FAM234B: variants seen among roughly 807,000 people sequenced by gnomAD.
FAM234B encodes family with sequence similarity 234 member B.
In FAM234B, 33 loss-of-function variants were observed where a neutral mutation model predicts 69.3. The ratio of observed to expected loss-of-function variants is 0.48; its 90% CI spans 0.36 to 0.64. The LOEUF (loss-of-function observed/expected upper bound fraction) is 0.64, where lower values mean the gene tolerates loss of function less well. FAM234B is among the 30% of genes least tolerant of loss of function. FAM234B has a pLI of 0.00. For missense variants in FAM234B, 697 were observed against 769.7 expected, an observed-to-expected ratio of 0.91 and a Z score of 1.12; for synonymous variants, 306 against 306.9, an observed-to-expected ratio of 1.00 and a Z score of 0.03.
Position 13,055,955 on chromosome 12 carries a change from C to A in FAM234B, c.433+9C>A. ...CTTGGGCTCCCAGGGAGGTGAGCTG[C>A]AGAATCTTCAGCCCTAATCCTGTGA... On this transcript the variant is annotated intron_variant, in intron 2 of 12. Coordinates refer to ENST00000197268, the MANE Select transcript of FAM234B (RefSeq NM_020853.2). 1 of 1,541,348 alleles carries A rather than the reference C, an allele frequency of 6.5e-7. No homozygotes were observed.
At chr12:13,050,124 A>C (rs886448328) in intron 1 of FAM234B, among the ~76,000 whole-genome samples, 2 of 152,154 alleles carry the variant, frequency 1.3e-5, no homozygotes, top group African/African-American at 4.8e-5. Flanking sequence ...TTGTTTTGCC[A>C]GTTATCAATT....
At chr12:13,075,676 G>A (rs1325295109) in intron 10 of FAM234B, among the ~76,000 whole-genome samples, 3 of 145,970 alleles carry the variant, frequency 2.1e-5, no homozygotes, top group Non-Finnish European at 3.0e-5. Flanking sequence ...GGCTGGTCTC[G>A]AACTCCTGAC....
intron 1 of FAM234B, among the ~76,000 whole-genome samples, chr12:13,054,257 T>TC (rs113548571): frequency 0.24 from 36,201 of 151,962 alleles, 5,236 homozygotes; most frequent in East Asian, 0.52. Flanking sequence ...CATGAAATCT[T>TC]ACAATTTGTG....
At chr12:13,045,852 G>T (rs1864805028) in intron 1 of FAM234B, among the ~76,000 whole-genome samples, 1 of 150,526 alleles carries the variant, frequency 6.6e-6, no homozygotes, top group Admixed American at 6.6e-5. Flanking sequence ...TTCTTTTAGA[G>T]TCCTTTTTTA....
At chr12:13,063,040 T>C in intron 5 of FAM234B, 65 bp downstream of exon 5, 2 of 1,536,806 alleles carry the variant, frequency 1.3e-6, no homozygotes, top group Non-Finnish European at 9.0e-7. Context: ...TTGTCTCAGC[T>C]CCTAGTGTTA....
At chr12:13,068,805 C>T (rs1047235256) in intron 9 of FAM234B, 94 bp downstream of exon 9, 2 of 766,842 alleles carry the variant, frequency 2.6e-6, no homozygotes, top group Non-Finnish European at 4.3e-6. Context: ...TAAAAAGAAC[C>T]TAAAATATGA....
At chr12:13,071,546 C>G (rs1293362672) in intron 10 of FAM234B, 150 bp downstream of exon 10, 11 of 713,790 alleles carry the variant, frequency 1.5e-5, no homozygotes, top group Middle Eastern at 4.1e-4. Context: ...AAAGCAGGAA[C>G]CCTGTGTCCT....
chr12:13,061,014 A>T (rs1864977269), intron 3 of FAM234B, among the ~76,000 whole-genome samples: 1 of 152,098 alleles, frequency 6.6e-6, no homozygotes, highest in Non-Finnish European at 1.5e-5. Flanking sequence ...CTTCAAGTTT[A>T]TTTTTTCAAA....
In FAM234B at chr12:13,044,580, G is replaced by T; in HGVS notation, c.37+140G>T. The T allele has an allele frequency of 1.1e-6, 1 of 883,252 alleles. No individual in the cohort carries two copies. Among genetic ancestry groups the T allele is most frequent in the Non-Finnish European group, 1.7e-6 (1 of 572,082 alleles). The allele number at this position is 883,252 out of a possible 1,614,324, so 54.7% of individuals were successfully genotyped here. A position where few individuals can be genotyped will look rare whatever the true frequency, so the allele number is the denominator to read the frequency against. The stretch of plus-strand genomic sequence containing the variant: ...GGCGCCCGGTGCCGAGGAGGGTGCA[G>T]TCCCTTGGGGCTGGGGTCTCTGTGC... On this transcript the variant is annotated intron_variant, in intron 1 of 12. Transcript: ENST00000197268. This position sits in a 1 kb window ranked among gnomAD's most constrained non-coding sequence, Gnocchi z 5.6.
At chr12:13,047,728 T>G (rs1591594409) in intron 1 of FAM234B, among the ~76,000 whole-genome samples, 1 of 152,146 alleles carries the variant, frequency 6.6e-6, no homozygotes, top group Admixed American at 6.5e-5. Context: ...TCATTAAAAA[T>G]TTGGGTGGTG....
At chr12:13,076,924 A>T (rs539031846) in intron 11 of FAM234B, among the ~76,000 whole-genome samples, 1 of 152,228 alleles carries the variant, frequency 6.6e-6, no homozygotes, top group Admixed American at 6.5e-5. Flanking sequence ...AGAGGACCAG[A>T]TGACCACATC....
Position 13,079,893 on chromosome 12 carries a change from C to T in FAM234B, c.1747C>T (p.Arg583Trp), listed in dbSNP as rs767499682. 1.7e-5 allele frequency: 28 copies of T among 1,613,968 alleles called. No individual in the cohort carries two copies. In the East Asian group the frequency reaches 2.5e-4, roughly 14 times the overall value. The change falls in exon 12 of 13, where the codon CGG becomes TGG. Residue 583 changes from arginine to tryptophan, a missense_variant. Physicochemically the swap from Arg to Trp is moderately radical, Grantham distance 101. Coordinates refer to ENST00000197268, the MANE Select transcript of FAM234B (RefSeq NM_020853.2). ...AALVVSKLSL[R>W]WALMEGQMAQ... The stretch of plus-strand genomic sequence containing the variant: ...CCTGGTGGTCAGCAAGCTTAGTCTA[C>T]GGTGGGCACTAATGGAGGGCCAGAT...
intron 2 of FAM234B, among the ~76,000 whole-genome samples, chr12:13,057,983 T>G (rs59857999): frequency 6.6e-6 from 1 of 152,098 alleles, no homozygotes; most frequent in Non-Finnish European, 1.5e-5. Flanking sequence ...GGAGCTGGGC[T>G]GATAATTTTA....
Position 13,058,478 on chromosome 12 carries a change from C to T in FAM234B, c.461C>T (p.Ala154Val), listed in dbSNP as rs1864954179. The change falls in exon 3 of 13, where the codon GCT becomes GTT. Residue 154 changes from alanine (A) to valine (V), a missense_variant. Ala to Val is a moderately conservative substitution (Grantham distance 64). Transcript: ENST00000197268. The stretch of plus-strand genomic sequence containing the variant: ...GGGGACCTGTCTCCATTGGAATTGG[C>T]TGATGTGAATGGAGATGGCCTGCGT... Reference protein sequence around the residue: ...GGGDLSPLELADVNGDGLRDV... With the variant: ...GGGDLSPLELVDVNGDGLRDV... The T allele has an allele frequency of 6.2e-7, 1 of 1,613,976 alleles. No homozygotes were observed. The highest frequency in any genetic ancestry group is 8.5e-7 in the Non-Finnish European group (1 of 1,179,976).
intron 8 of FAM234B, 72 bp downstream of exon 8, chr12:13,068,519 A>G: frequency 3.1e-6 from 5 of 1,594,696 alleles, no homozygotes; most frequent in South Asian, 1.1e-5. Context: ...GTCCAGGACA[A>G]TTGCTTGCAA....
rs752136527 is a variant in FAM234B, at chr12:13,055,966, G to A, written c.433+20G>A. 55 of 1,516,734 alleles carry A rather than the reference G, an allele frequency of 3.6e-5. No homozygotes were observed. The highest frequency in any genetic ancestry group is 2.6e-5 in the South Asian group (2 of 75,920). The allele number at this position is 1,516,734 out of a possible 1,614,324, so 94.0% of individuals were successfully genotyped here. A position where few individuals can be genotyped will look rare whatever the true frequency, so the allele number is the denominator to read the frequency against. ...AGGGAGGTGAGCTGCAGAATCTTCA[G>A]CCCTAATCCTGTGAAACTTCATGCT... On this transcript the variant is annotated intron_variant, in intron 2 of 12. Coordinates refer to ENST00000197268, the MANE Select transcript of FAM234B (RefSeq NM_020853.2).
Position 13,058,682 on chromosome 12 carries a change from A to T in FAM234B, c.532+133A>T. ...GAAAGTTACCATGGTTCTGGCATAC[A>T]TGAAAACCCTCATCAGAAAGCTTCC... On this transcript the variant is annotated intron_variant, in intron 3 of 12. Transcript: ENST00000197268. 7 of 736,728 alleles carry T rather than the reference A, an allele frequency of 9.5e-6. No individual in the cohort carries two copies. The South Asian group carries it at 1.1e-4, about 12-fold the overall frequency. The allele number at this position is 736,728 out of a possible 1,614,324, so 45.6% of individuals were successfully genotyped here.
intron 5 of FAM234B, 132 bp downstream of exon 5, chr12:13,063,107 C>T: frequency 9.1e-7 from 1 of 1,104,300 alleles, no homozygotes; most frequent in Non-Finnish European, 1.3e-6. Context: ...TAAGTAAATT[C>T]TCTTTGTGAG....
intron 12 of FAM234B, 55 bp downstream of exon 12, chr12:13,080,064 A>T (rs1443954173): frequency 3.8e-6 from 5 of 1,300,486 alleles, no homozygotes; most frequent in Non-Finnish European, 4.2e-6. Flanking sequence ...AATACTACCA[A>T]TTCCAGCTTT....
Sources: gnomAD v4.1 joint callset for allele counts (sites outside exome capture counted in the v4.1 genomes callset) on GRCh38, gnomAD v4.1.1 for gene constraint, Gnocchi (gnomAD v3.1) non-coding constraint, MANE v1.5 for transcripts, NCBI Gene and HGNC (gene_info 2026-07-23, HGNC 2026-07-21) for gene names.